RIC1: variants seen among roughly 807,000 people sequenced by gnomAD.
RIC1 encodes the protein guanine nucleotide exchange factor subunit RIC1.
RIC1 carries 88 observed loss-of-function variants against 169.0 expected under a neutral mutation model. That is an observed-to-expected ratio of 0.52 (90% confidence interval 0.44 to 0.62). The LOEUF is 0.62. Among genes scored for constraint, RIC1 ranks in the 20% least tolerant of loss-of-function variants. The pLI is 0.00. For missense variants in RIC1, 1,877 were observed against 1,725.5 expected (o/e 1.09, Z -1.56); for synonymous variants, 790 against 601.5 (o/e 1.31, Z -4.59).
chr9:5,743,593 A>C, intron 9 of RIC1, 96 bp from the exon 10 acceptor site: 1 of 966,256 alleles, frequency 1.0e-6, no homozygotes, highest in South Asian at 1.5e-5. Flanking sequence ...ATTTTAAAGG[A>C]GCAAAATCCG....
At chr9:5,651,414 C>G (rs971854239) in intron 1 of RIC1, among the ~76,000 whole-genome samples, 2 of 151,866 alleles carry the variant, frequency 1.3e-5, no homozygotes, top group African/African-American at 4.8e-5. Context: ...TCTTGAAGCC[C>G]CTCCTCTATT....
intron 3 of RIC1, among the ~76,000 whole-genome samples, chr9:5,691,730 T>G (rs1384221012): frequency 6.6e-6 from 1 of 151,988 alleles, no homozygotes; most frequent in East Asian, 1.9e-4. Flanking sequence ...TATGTTTGTT[T>G]TATTGCTTAA....
At chr9:5,701,155 C>T (rs1001354429) in intron 3 of RIC1, among the ~76,000 whole-genome samples, 1 of 152,160 alleles carries the variant, frequency 6.6e-6, no homozygotes, top group Non-Finnish European at 1.5e-5. Context: ...TGTGGTATAG[C>T]TGGCTCTTCT....
intron 3 of RIC1, among the ~76,000 whole-genome samples, chr9:5,696,335 A>G (rs924866963): frequency 6.6e-6 from 1 of 151,996 alleles, no homozygotes; most frequent in Admixed American, 6.5e-5. Context: ...TCTTGAACAC[A>G]TCGAACCCAC....
intron 25 of RIC1, 57 bp from the exon 26 acceptor site, chr9:5,773,901 T>C (rs781704926): frequency 8.8e-5 from 129 of 1,460,146 alleles, no homozygotes; most frequent in Non-Finnish European, 1.1e-4. Context: ...ACCCGTAATG[T>C]TCTACCAAAC....
intron 2 of RIC1, among the ~76,000 whole-genome samples, chr9:5,684,215 G>C (rs1821055718): frequency 1.6e-5 from 2 of 127,032 alleles, no homozygotes; most frequent in South Asian, 5.3e-4. Flanking sequence ...CCCGTCTTCT[G>C]TGTTGCTCAT....
rs900712728 is a variant in RIC1 at position 5,750,675 on chromosome 9, A to G, written c.1453-2525A>G. Among the ~76,000 whole-genome samples the G allele has an allele frequency of 1.3e-4, 20 of 151,860 alleles. 2 individuals are homozygous for G. Among genetic ancestry groups the G allele is most frequent in the African/African-American group, 4.9e-4 (20 of 41,122 alleles). On this transcript the variant is annotated intron_variant, in intron 12 of 25. Transcript: ENST00000414202. ...TCTTTAAGAGAAACTGAAACATTCT[A>G]AGATAAGGGTAGAGTTTCTGTACCT...
chr9:5,697,207 C>A (rs1821957604), intron 3 of RIC1, among the ~76,000 whole-genome samples: 1 of 152,214 alleles, frequency 6.6e-6, no homozygotes, highest in South Asian at 2.1e-4. Flanking sequence ...TTCTGCTTCT[C>A]TGAACTTTAA....
intron 1 of RIC1, among the ~76,000 whole-genome samples, chr9:5,651,101 C>G (rs1041587453): frequency 2.0e-5 from 3 of 152,176 alleles, no homozygotes; most frequent in Non-Finnish European, 2.9e-5. Context: ...AAGAAGTTCT[C>G]TATGCTAGTC....
chr9:5,629,425 C>G lies in RIC1; in HGVS notation c.116C>G (p.Ala39Gly). Residue 39 changes from alanine (A) to glycine (G), a missense_variant, in exon 1 of 26, where the codon GCG becomes GGG. By Grantham distance (60) the Ala-to-Gly change is moderately conservative (BLOSUM62 0). Transcript: ENST00000414202. ...AGGGCTTTCTTCGCCGTGCTGGCCGCGGCCCGCCTCAGCATCTGGTACAGC... is the reference window on the plus strand; with the variant it reads ...AGGGCTTTCTTCGCCGTGCTGGCCGGGGCCCGCCTCAGCATCTGGTACAGC... ...PQRAFFAVLA[A>G]ARLSIWYSRP... The G allele has an allele frequency of 6.5e-7, 1 of 1,533,774 alleles. No individual in the cohort carries two copies. The highest frequency in any genetic ancestry group is 8.7e-7 in the Non-Finnish European group (1 of 1,146,014).
chr9:5,725,847 G>C (rs1823941600), intron 6 of RIC1, among the ~76,000 whole-genome samples: 1 of 152,174 alleles, frequency 6.6e-6, no homozygotes, highest in African/African-American at 2.4e-5. Context: ...AGGTTGTTCA[G>C]TTTCATGTAG....
At chr9:5,679,735 T>A (rs554152741) in intron 2 of RIC1, among the ~76,000 whole-genome samples, 2 of 152,308 alleles carry the variant, frequency 1.3e-5, no homozygotes, top group African/African-American at 4.8e-5. Flanking sequence ...TTAAGGAGAT[T>A]TTGGGCTGAT....
chr9:5,720,792 CTTATT>C, intron 6 of RIC1, 42 bp downstream of exon 6: 1 of 1,466,406 alleles, frequency 6.8e-7, no homozygotes, highest in South Asian at 1.3e-5. Context: ...TTATTGTGTA[CTTATT>C]TTATTCTTTG....
chr9:5,735,882 T>A (rs1255075317), intron 7 of RIC1, among the ~76,000 whole-genome samples: 3 of 152,218 alleles, frequency 2.0e-5, no homozygotes, highest in Non-Finnish European at 2.9e-5. Context: ...GTTTCAGTAT[T>A]AATGACACTA....
rs1827018960 is a variant in RIC1 at position 5,769,189 on chromosome 9, G to A, written c.3357G>A (p.Leu1119=). The change falls in exon 22 of 26, where the codon CTG becomes CTA. Residue 1119 remains leucine, a synonymous_variant. Coordinates refer to ENST00000414202, the MANE Select transcript of RIC1 (RefSeq NM_020829.4). The part of the protein sequence containing the change: ...IALKRLHKDF[L]WPLPIIPASS... Reference sequence around the variant, plus strand: ...TGAAGAGACTCCACAAAGATTTCCTGTGGCCACTTCCAATCATCCCAGCCT... The same window carrying A: ...TGAAGAGACTCCACAAAGATTTCCTATGGCCACTTCCAATCATCCCAGCCT... 1 of 1,614,092 alleles carries A rather than the reference G, an allele frequency of 6.2e-7. No individual in the cohort carries two copies. The highest frequency in any genetic ancestry group is 8.5e-7 in the Non-Finnish European group (1 of 1,179,970).
chr9:5,694,024 T>G (rs1221205760), intron 3 of RIC1, among the ~76,000 whole-genome samples: 1 of 152,126 alleles, frequency 6.6e-6, no homozygotes, highest in African/African-American at 2.4e-5. Flanking sequence ...TCAAATCTCC[T>G]TCTCCTCTTC....
At chr9:5,762,882 A>G (rs1005551297) in intron 18 of RIC1, among the ~76,000 whole-genome samples, 1 of 152,226 alleles carries the variant, frequency 6.6e-6, no homozygotes. Context: ...CTGCTTAGGC[A>G]TCATTCATTG....
At chr9:5,696,320 C>T (rs1821902535) in intron 3 of RIC1, among the ~76,000 whole-genome samples, 2 of 152,026 alleles carry the variant, frequency 1.3e-5, no homozygotes, top group African/African-American at 2.4e-5. Flanking sequence ...CCTACTTTCT[C>T]CATATCTTGA....
At chr9:5,708,167 C>G (rs1822707025) in intron 3 of RIC1, among the ~76,000 whole-genome samples, 1 of 152,108 alleles carries the variant, frequency 6.6e-6, no homozygotes, top group African/African-American at 2.4e-5. Flanking sequence ...TATCTCAAAA[C>G]TATGTTCCCG....
Sources: gnomAD v4.1 joint callset for allele counts (sites outside exome capture counted in the v4.1 genomes callset) on GRCh38, gnomAD v4.1.1 for gene constraint, MANE v1.5 for transcripts, NCBI Gene and HGNC (gene_info 2026-07-23, HGNC 2026-07-21) for gene names.